NPAS3: variants seen among roughly 807,000 people sequenced by gnomAD.
NPAS3 encodes neuronal PAS domain protein 3, also known as neuronal PAS domain-containing protein 3.
In NPAS3, 14 loss-of-function variants were observed where a neutral mutation model predicts 73.1. The ratio of observed to expected loss-of-function variants is 0.19; its 90% CI spans 0.13 to 0.30. The LOEUF (loss-of-function observed/expected upper bound fraction) is 0.30, where lower values mean the gene tolerates loss of function less well. Among genes scored for constraint, NPAS3 ranks in the 10% least tolerant of loss-of-function variants. The pLI, the probability that NPAS3 is intolerant of heterozygous loss-of-function variation, is 1.00. For missense variants in NPAS3, 1,096 were observed against 1,250.0 expected, an observed-to-expected ratio of 0.88 and a Z score of 1.86; for synonymous variants, 620 against 541.5, an observed-to-expected ratio of 1.14 and a Z score of -2.01.
At chr14:33,497,386 G>T (rs1448363001) in intron 4 of NPAS3, among the ~76,000 whole-genome samples, 2 of 152,084 alleles carry the variant, frequency 1.3e-5, no homozygotes, top group African/African-American at 2.4e-5. Flanking sequence ...GGCCCATATA[G>T]CTAAGACAAT....
At chr14:33,429,692 T>C (rs1017960908) in intron 4 of NPAS3, among the ~76,000 whole-genome samples, 2 of 152,166 alleles carry the variant, frequency 1.3e-5, no homozygotes, top group Non-Finnish European at 2.9e-5. Context: ...TGGATGTATT[T>C]GGATCTCTGC....
chr14:33,268,526 C>G (rs1256405920), intron 3 of NPAS3, among the ~76,000 whole-genome samples: 1 of 152,040 alleles, frequency 6.6e-6, no homozygotes, highest in East Asian at 1.9e-4. Context: ...CTTTATTTCT[C>G]CTTTATTGTA....
chr14:33,296,487 T>A (rs1274983026), intron 3 of NPAS3, among the ~76,000 whole-genome samples: 1 of 152,228 alleles, frequency 6.6e-6, no homozygotes, highest in Non-Finnish European at 1.5e-5. Flanking sequence ...AGGCATTGAT[T>A]TAAATCTATT....
At chr14:33,322,191 G>C (rs2043479112) in intron 3 of NPAS3, among the ~76,000 whole-genome samples, 1 of 152,150 alleles carries the variant, frequency 6.6e-6, no homozygotes, top group African/African-American at 2.4e-5. Flanking sequence ...GAAAATTACT[G>C]GCAGTGATAA....
intron 7 of NPAS3, among the ~76,000 whole-genome samples, chr14:33,738,978 C>T (rs2061591974): frequency 1.3e-5 from 2 of 152,134 alleles, no homozygotes; most frequent in African/African-American, 2.4e-5. Flanking sequence ...GGATAGTTTC[C>T]TTTGGCATGG....
chr14:33,674,486 A>AAGTC (rs1193249403), intron 5 of NPAS3, among the ~76,000 whole-genome samples: 2 of 152,204 alleles, frequency 1.3e-5, no homozygotes, highest in African/African-American at 4.8e-5. Context: ...TAATTGCTCA[A>AAGTC]AGTCAGTTTA....
At chr14:33,217,980 T>G (rs763512021) in intron 3 of NPAS3, among the ~76,000 whole-genome samples, 4 of 152,216 alleles carry the variant, frequency 2.6e-5, no homozygotes, top group Non-Finnish European at 4.4e-5. Context: ...AGCTTCAGAC[T>G]GTTTCTAATA....
At chr14:33,758,587 T>A (rs1258479308) in intron 7 of NPAS3, among the ~76,000 whole-genome samples, 3 of 152,266 alleles carry the variant, frequency 2.0e-5, no homozygotes, top group African/African-American at 7.2e-5. Flanking sequence ...TTCTGTGTCC[T>A]CTAATGAAAT....
chr14:33,561,157 G>A (rs1399965873), intron 5 of NPAS3, among the ~76,000 whole-genome samples: 1 of 152,192 alleles, frequency 6.6e-6, no homozygotes, highest in African/African-American at 2.4e-5. Context: ...GCTAGAGATA[G>A]AGATAAGATT....
intron 5 of NPAS3, among the ~76,000 whole-genome samples, chr14:33,655,360 G>A (rs925555041): frequency 1.4e-4 from 14 of 100,522 alleles, no homozygotes; most frequent in African/African-American, 2.8e-4. Context: ...TTTTTTAACA[G>A]CAAGTGAACT....
intron 6 of NPAS3, among the ~76,000 whole-genome samples, chr14:33,724,360 G>A (rs1022488802): frequency 6.6e-6 from 1 of 152,158 alleles, no homozygotes; most frequent in Non-Finnish European, 1.5e-5. Context: ...ATTGCCAGGT[G>A]CAGCAGCTCA....
At chr14:33,786,620 C>A (rs1257092699) in intron 9 of NPAS3, among the ~76,000 whole-genome samples, 2 of 152,214 alleles carry the variant, frequency 1.3e-5, no homozygotes, top group African/African-American at 4.8e-5. Context: ...CTTTCATAGA[C>A]CTACATACCA....
intron 4 of NPAS3, among the ~76,000 whole-genome samples, chr14:33,516,068 C>T (rs1443241910): frequency 6.6e-6 from 1 of 151,772 alleles, no homozygotes; most frequent in Admixed American, 6.6e-5. Context: ...CATAGCATCT[C>T]TGCTAAGTAT....
intron 4 of NPAS3, among the ~76,000 whole-genome samples, chr14:33,385,052 C>T (rs182139326): frequency 6.6e-6 from 1 of 152,296 alleles, no homozygotes; most frequent in Admixed American, 6.5e-5. Context: ...GAATTTATTA[C>T]CAAGCTATCC....
chr14:33,158,731 G>T (rs2139293460), intron 2 of NPAS3, among the ~76,000 whole-genome samples: 1 of 152,256 alleles, frequency 6.6e-6, no homozygotes. Flanking sequence ...CACGAGATGG[G>T]GGTGCTTTAA....
chr14:33,126,524 G>A (rs1395225646), intron 2 of NPAS3, among the ~76,000 whole-genome samples: 1 of 152,102 alleles, frequency 6.6e-6, no homozygotes, highest in African/African-American at 2.4e-5. Flanking sequence ...CCTAATCCAG[G>A]CGGGTGGGTG....
intron 4 of NPAS3, among the ~76,000 whole-genome samples, chr14:33,375,415 A>G (rs2046270685): frequency 6.6e-6 from 1 of 152,224 alleles, no homozygotes; most frequent in East Asian, 1.9e-4. Context: ...TTTGCATATG[A>G]TAAATGAGCT....
chr14:33,397,744 G>A (rs1159732936), intron 4 of NPAS3, among the ~76,000 whole-genome samples: 2 of 152,072 alleles, frequency 1.3e-5, no homozygotes, highest in African/African-American at 4.8e-5. Flanking sequence ...AAACTACAGT[G>A]TCCTAGCCCG....
At chr14:33,425,844 A>G (rs1202495810) in intron 4 of NPAS3, among the ~76,000 whole-genome samples, 1 of 152,092 alleles carries the variant, frequency 6.6e-6, no homozygotes, top group Admixed American at 6.6e-5. Context: ...AACCTGCAGC[A>G]TCAGCACCTC....
Sources: gnomAD v4.1 joint callset for allele counts (sites outside exome capture counted in the v4.1 genomes callset) on GRCh38, gnomAD v4.1.1 for gene constraint, MANE v1.5 for transcripts, NCBI Gene and HGNC (gene_info 2026-07-23, HGNC 2026-07-21) for gene names.